Variants in CPA6 observed in about 807,000 individuals in gnomAD.
CPA6 encodes the protein carboxypeptidase B.
CPA6 carries 58 observed loss-of-function variants against 63.3 expected under a neutral mutation model. The ratio of observed to expected loss-of-function variants is 0.92; its 90% CI spans 0.74 to 1.14. The LOEUF (loss-of-function observed/expected upper bound fraction) is 1.14. CPA6 is among the 50% of genes most tolerant of loss of function. The pLI, the probability that CPA6 is intolerant of heterozygous loss-of-function variation, is 0.00. For synonymous variants in CPA6, 185 were observed against 179.0 expected, an observed-to-expected ratio of 1.03 and a Z score of -0.27; for missense variants, 565 against 526.6, an observed-to-expected ratio of 1.07 and a Z score of -0.71.
intron 2 of CPA6, among the ~76,000 whole-genome samples, chr8:67,597,964 TGGGGCCA>T (rs1814390053): frequency 6.6e-6 from 1 of 152,262 alleles, no homozygotes; most frequent in South Asian, 2.1e-4. Flanking sequence ...ACTTGTTTTC[TGGGGCCA>T]CTAGCTATCT....
intron 1 of CPA6, among the ~76,000 whole-genome samples, chr8:67,655,067 G>T (rs1815952310): frequency 6.6e-6 from 1 of 152,148 alleles, no homozygotes; most frequent in Non-Finnish European, 1.5e-5. Context: ...CACAATAAAA[G>T]AGAATTATTT....
intron 8 of CPA6, among the ~76,000 whole-genome samples, chr8:67,472,402 T>TTTATTTTATTTTATC (rs1268821882): frequency 9.2e-6 from 1 of 108,664 alleles, no homozygotes; most frequent in African/African-American, 5.0e-5. Flanking sequence ...TTTATTTTAT[T>TTTATTTTATTTTATC]TTATCTTATC....
chr8:67,693,921 T>C (rs1418342990), intron 1 of CPA6, among the ~76,000 whole-genome samples: 1 of 152,222 alleles, frequency 6.6e-6, no homozygotes, highest in African/African-American at 2.4e-5. Flanking sequence ...TCTGCCTCAG[T>C]GAAATTTCTA....
rs147244366 is a variant in CPA6 at position 67,721,680 on chromosome 8, C to T, written c.116+24334G>A. Among the ~76,000 whole-genome samples the T allele has an allele frequency of 2.2e-4, 33 of 152,230 alleles. No individual in the cohort carries two copies. The East Asian group carries it at 4.6e-3, about 21-fold the overall frequency. Reference sequence around the variant, plus strand: ...TTACTTTAACAAAAAACCCCTATCACGGATCAATGGCTTCTCAAAAGTGGG... The same window carrying T: ...TTACTTTAACAAAAAACCCCTATCATGGATCAATGGCTTCTCAAAAGTGGG... On this transcript the variant is annotated intron_variant, in intron 1 of 10. Coordinates refer to ENST00000297770, the MANE Select transcript of CPA6 (RefSeq NM_020361.5).
chr8:67,689,894 A>G (rs769083893), intron 1 of CPA6, among the ~76,000 whole-genome samples: 6 of 152,218 alleles, frequency 3.9e-5, no homozygotes, highest in Non-Finnish European at 7.3e-5. Flanking sequence ...TCCCACCAAC[A>G]GTGAATAAGC....
intron 8 of CPA6, among the ~76,000 whole-genome samples, chr8:67,438,789 G>A (rs1025294888): frequency 1.3e-5 from 2 of 151,948 alleles, no homozygotes; most frequent in African/African-American, 2.4e-5. Flanking sequence ...GAGGTGGGCA[G>A]GGAAGGCAAA....
chr8:67,631,721 C>T (rs1261412608), intron 1 of CPA6, among the ~76,000 whole-genome samples: 1 of 152,196 alleles, frequency 6.6e-6, no homozygotes, highest in East Asian at 1.9e-4. Flanking sequence ...CTTGCTGGTG[C>T]TCACTCTTTG....
intron 1 of CPA6, among the ~76,000 whole-genome samples, chr8:67,661,032 T>G (rs920031441): frequency 1.3e-5 from 2 of 152,228 alleles, no homozygotes; most frequent in Non-Finnish European, 2.9e-5. Context: ...ATCCCTTTAG[T>G]CATTTATTCA....
At chr8:67,453,772 AG>A (rs1285635643) in intron 8 of CPA6, among the ~76,000 whole-genome samples, 1 of 152,218 alleles carries the variant, frequency 6.6e-6, no homozygotes, top group African/African-American at 2.4e-5. Flanking sequence ...TCAAAAACTT[AG>A]TATCCTGCAT....
chr8:67,704,728 T>C lies in CPA6; in HGVS notation c.116+41286A>G, dbSNP rs151015946. On this transcript the variant is annotated intron_variant, in intron 1 of 10. Transcript: ENST00000297770. ...GGTACACGGTAAGACTGGTTCATTC[T>C]AGAACCCTAAGGATGAATGAGGGTC... Among the ~76,000 whole-genome samples, 315 of 152,330 alleles carry C rather than the reference T, an allele frequency of 2.1e-3. 3 individuals carry two copies. The highest frequency in any genetic ancestry group is 0.012 in the South Asian group (56 of 4,830).
intron 1 of CPA6, among the ~76,000 whole-genome samples, chr8:67,696,355 G>A: frequency 6.6e-6 from 1 of 152,192 alleles, no homozygotes; most frequent in East Asian, 1.9e-4. Context: ...AGAAGCCATA[G>A]TACATGCACT....
intron 2 of CPA6, among the ~76,000 whole-genome samples, chr8:67,555,939 G>A (rs1015324747): frequency 2.6e-5 from 4 of 152,138 alleles, no homozygotes; most frequent in African/African-American, 9.7e-5. Flanking sequence ...AAGTGTGTAA[G>A]GAACTATGAG....
At chr8:67,552,345 G>C (rs1325890030) in intron 2 of CPA6, among the ~76,000 whole-genome samples, 2 of 152,136 alleles carry the variant, frequency 1.3e-5, no homozygotes, top group Admixed American at 6.5e-5. Context: ...AGAAATCATG[G>C]GGATAGAAAA....
At position 67,462,225 on chromosome 8, in the gene CPA6, GAAA is replaced by G. The variant is rs59674877; in HGVS notation, c.838+21540_838+21542del. The stretch of plus-strand genomic sequence containing the variant: ...AGCCAGTTTTATTATATCCATCTGT[GAAA>G]AAAAATCTTTTCTACACAAATAGCA... On this transcript the variant is annotated intron_variant, in intron 8 of 10. Transcript: ENST00000297770. Among the ~76,000 whole-genome samples the G allele has an allele frequency of 2.4e-4, 37 of 151,490 alleles. No individual in the cohort carries two copies. In the East Asian group the frequency reaches 6.8e-3, roughly 28 times the overall value.
chr8:67,477,190 C>T (rs1311923255), intron 8 of CPA6, among the ~76,000 whole-genome samples: 1 of 146,296 alleles, frequency 6.8e-6, no homozygotes, highest in Non-Finnish European at 1.5e-5. Context: ...ACTTGGGAGG[C>T]TGAGGCAGGA....
At chr8:67,438,412 G>A (rs1323011540) in intron 8 of CPA6, among the ~76,000 whole-genome samples, 1 of 152,142 alleles carries the variant, frequency 6.6e-6, no homozygotes, top group Non-Finnish European at 1.5e-5. Context: ...ACAGCAACAT[G>A]AGTACTATAT....
intron 2 of CPA6, among the ~76,000 whole-genome samples, chr8:67,613,289 G>A (rs747090646): frequency 6.6e-6 from 1 of 152,144 alleles, no homozygotes; most frequent in Non-Finnish European, 1.5e-5. Context: ...ATCCAAGTTA[G>A]TGTTGTTTGT....
intron 1 of CPA6, among the ~76,000 whole-genome samples, chr8:67,654,611 G>C (rs1815939381): frequency 6.6e-6 from 1 of 151,970 alleles, no homozygotes; most frequent in South Asian, 2.1e-4. Flanking sequence ...ATTTTTTATT[G>C]TGTCTGTTTG....
chr8:67,698,077 T>C (rs1359849160), intron 1 of CPA6, among the ~76,000 whole-genome samples: 1 of 152,144 alleles, frequency 6.6e-6, no homozygotes, highest in Non-Finnish European at 1.5e-5. Context: ...CTTACAACTT[T>C]TTAAAAATTT....
Sources: gnomAD v4.1 joint callset for allele counts (sites outside exome capture counted in the v4.1 genomes callset) on GRCh38, gnomAD v4.1.1 for gene constraint, MANE v1.5 for transcripts, NCBI Gene and HGNC (gene_info 2026-07-23, HGNC 2026-07-21) for gene names.